Variants in COL4A1 observed in about 807,000 individuals in gnomAD.
COL4A1 encodes collagen alpha-1(IV) chain.
A neutral mutation model predicts 216.6 loss-of-function variants in COL4A1; 40 were observed. That is an observed-to-expected ratio of 0.18 (90% CI 0.14 to 0.24). The LOEUF is 0.24. Among genes scored for constraint, COL4A1 ranks in the 10% least tolerant of loss-of-function variants. The pLI, the probability that COL4A1 is intolerant of heterozygous loss-of-function variation, is 1.00. For synonymous variants in COL4A1, 839 were observed against 810.7 expected (o/e 1.03, Z -0.59); for missense variants, 1,628 against 2,196.8 (o/e 0.74, Z 5.18).
rs79378149 is a variant in COL4A1 at position 110,227,138 on chromosome 13, C to G, written c.145-13123G>C. On this transcript the variant is annotated intron_variant, in intron 2 of 51. Transcript: ENST00000375820. ...CTTTGTAGACGTTTTAAAGATTAAA[C>G]TTACAGTATCATTTCCTGCCTTTTT... Among the ~76,000 whole-genome samples, 3 of 152,256 alleles carry G rather than the reference C, an allele frequency of 2.0e-5. No individual in the cohort carries two copies. In the South Asian group the frequency reaches 6.2e-4, roughly 32 times the overall value.
At chr13:110,159,354 CACAA>C (rs1313025402) in intron 49 of COL4A1, among the ~76,000 whole-genome samples, 2 of 152,126 alleles carry the variant, frequency 1.3e-5, no homozygotes, top group South Asian at 2.1e-4. Context: ...ACATACAATA[CACAA>C]ACAGAGGAGA....
chr13:110,302,550 C>T (rs200322031), intron 1 of COL4A1, among the ~76,000 whole-genome samples: 6 of 152,118 alleles, frequency 3.9e-5, no homozygotes, highest in Non-Finnish European at 5.9e-5. Context: ...AGCAGAGACA[C>T]GGAAAGAGCG....
intron 1 of COL4A1, among the ~76,000 whole-genome samples, chr13:110,300,240 C>G (rs1466356706): frequency 6.6e-6 from 1 of 152,134 alleles, no homozygotes; most frequent in Non-Finnish European, 1.5e-5. Flanking sequence ...AAAAATGCCC[C>G]ATGTGCTGAA....
intron 2 of COL4A1, among the ~76,000 whole-genome samples, chr13:110,238,318 T>C (rs1043008583): frequency 2.6e-5 from 4 of 152,242 alleles, no homozygotes; most frequent in Non-Finnish European, 5.9e-5. Context: ...GGAATGTCCC[T>C]TTTTGGAGTC....
At chr13:110,240,965 G>A (rs1881539612) in intron 2 of COL4A1, among the ~76,000 whole-genome samples, 1 of 152,206 alleles carries the variant, frequency 6.6e-6, no homozygotes. Context: ...CGCCTCCTGG[G>A]TTCAAGCAAT....
intron 15 of COL4A1, among the ~76,000 whole-genome samples, chr13:110,206,447 T>C (rs1212464391): frequency 6.6e-6 from 1 of 152,214 alleles, no homozygotes; most frequent in East Asian, 1.9e-4. Flanking sequence ...CGGTGGCACC[T>C]TCAGTGCTGG....
intron 1 of COL4A1, among the ~76,000 whole-genome samples, chr13:110,294,264 C>T (rs1050108323): frequency 6.6e-6 from 1 of 152,214 alleles, no homozygotes; most frequent in Non-Finnish European, 1.5e-5. Context: ...CTGCCTCCAG[C>T]CCCTTCACAC....
intron 51 of COL4A1, among the ~76,000 whole-genome samples, chr13:110,151,949 T>G (rs1876518282): frequency 6.6e-6 from 1 of 152,224 alleles, no homozygotes; most frequent in Non-Finnish European, 1.5e-5. Context: ...TTACACAAAG[T>G]GTACATTACG....
intron 13 of COL4A1, 78 bp from the exon 14 acceptor site, chr13:110,206,969 G>GAAA (rs60585275): frequency 8.6e-6 from 10 of 1,160,312 alleles, no homozygotes; most frequent in South Asian, 2.8e-5. Context: ...ACACACAGCA[G>GAAA]AAAAAAAAAA....
chr13:110,177,790 G>A, intron 33 of COL4A1, 52 bp downstream of exon 33: 1 of 1,566,920 alleles, frequency 6.4e-7, no homozygotes, highest in Admixed American at 1.7e-5. Flanking sequence ...TTTCCCAAGT[G>A]GCATCGAGAA....
At chr13:110,160,630 C>T (rs1055265901) in intron 49 of COL4A1, among the ~76,000 whole-genome samples, 2 of 152,212 alleles carry the variant, frequency 1.3e-5, no homozygotes, top group Non-Finnish European at 2.9e-5. Context: ...CACAGTGAGT[C>T]AGGCAAAATA....
At chr13:110,292,907 CTG>C (rs1425332068) in intron 1 of COL4A1, among the ~76,000 whole-genome samples, 1 of 152,178 alleles carries the variant, frequency 6.6e-6, no homozygotes, top group Non-Finnish European at 1.5e-5. Flanking sequence ...ACAAAGGCAA[CTG>C]CCAGGTAATC....
intron 49 of COL4A1, 48 bp downstream of exon 49, chr13:110,161,144 A>G: frequency 6.3e-7 from 1 of 1,581,268 alleles, no homozygotes; most frequent in Non-Finnish European, 8.7e-7. Context: ...CAGACTAGAG[A>G]CTTTTCCTCT....
In COL4A1 at chr13:110,287,651, G is replaced by A. The variant is rs374265439; in HGVS notation, c.84+19293C>T. 5.3e-5 allele frequency among the ~76,000 whole-genome samples: 8 copies of A among 152,344 alleles called. 1 individual carries two copies. Among genetic ancestry groups the A allele is most frequent in the African/African-American group, 9.6e-5 (4 of 41,564 alleles). ...GAAAGAAGCCGGCACGTCCTTGAGC[G>A]CCGTACAGTGGGATGGCCTTGCCTG... On this transcript the variant is annotated intron_variant, in intron 1 of 51. Transcript: ENST00000375820.
intron 49 of COL4A1, among the ~76,000 whole-genome samples, chr13:110,156,758 T>A (rs1876805100): frequency 6.6e-6 from 1 of 152,276 alleles, no homozygotes; most frequent in Non-Finnish European, 1.5e-5. Context: ...GATAAATGAC[T>A]ATAAATGGTG....
At chr13:110,197,453 C>G (rs560868565) in intron 21 of COL4A1, among the ~76,000 whole-genome samples, 1 of 152,302 alleles carries the variant, frequency 6.6e-6, no homozygotes, top group African/African-American at 2.4e-5. Flanking sequence ...AGCTCACAAC[C>G]TTCTCTCAGA....
intron 2 of COL4A1, among the ~76,000 whole-genome samples, chr13:110,218,333 C>G (rs1487467216): frequency 6.6e-6 from 1 of 152,120 alleles, no homozygotes; most frequent in Non-Finnish European, 1.5e-5. Flanking sequence ...CACAGAGATG[C>G]TGCCAGCTCT....
In COL4A1 at chr13:110,201,448, T is replaced by G; in HGVS notation, c.1074A>C (p.Pro358=). 6.2e-7 allele frequency: 1 copy of G among 1,613,780 alleles called. No homozygotes were observed. Among genetic ancestry groups the G allele is most frequent in the South Asian group, 1.1e-5 (1 of 91,060 alleles). Residue 358 remains proline (P), a synonymous_variant, in exon 19 of 52, where the codon CCA becomes CCC. Transcript: ENST00000375820. The part of the protein sequence containing the change: ...YPGTPGPRGE[P]GPKGFPGLPG... Reference sequence around the variant, plus strand: ...AGGCAAGAAAGCTACCTTTTGGGCCTGGCTCTCCTCTTGGCCCCGGAGTTC... The same window carrying G: ...AGGCAAGAAAGCTACCTTTTGGGCCGGGCTCTCCTCTTGGCCCCGGAGTTC...
chr13:110,172,667 A>AT, intron 41 of COL4A1, 53 bp downstream of exon 41: 1 of 1,543,992 alleles, frequency 6.5e-7, no homozygotes, highest in Admixed American at 1.7e-5. Context: ...TTGTTCTGCT[A>AT]ATCAGGCAGC....
Sources: gnomAD v4.1 joint callset for allele counts (sites outside exome capture counted in the v4.1 genomes callset) on GRCh38, gnomAD v4.1.1 for gene constraint, MANE v1.5 for transcripts, NCBI Gene and HGNC (gene_info 2026-07-23, HGNC 2026-07-21) for gene names.